The following SYN3 variants were observed in gnomAD, a reference collection of about 807,000 sequenced individuals.
The protein encoded by SYN3 is synapsin-3.
A neutral mutation model predicts 65.8 loss-of-function variants in SYN3; 35 were observed. The ratio of observed to expected loss-of-function variants is 0.53; its 90% CI spans 0.41 to 0.70. The LOEUF (loss-of-function observed/expected upper bound fraction) is 0.70. Among genes scored for constraint, SYN3 ranks in the 30% least tolerant of loss-of-function variants. The pLI is 0.00. For missense variants in SYN3, 680 were observed against 749.0 expected, an observed-to-expected ratio of 0.91 and a Z score of 1.08; for synonymous variants, 270 against 292.9, an observed-to-expected ratio of 0.92 and a Z score of 0.80.
At chr22:32,709,772 G>C (rs968123290) in intron 6 of SYN3, among the ~76,000 whole-genome samples, 8 of 151,512 alleles carry the variant, frequency 5.3e-5, no homozygotes, top group Non-Finnish European at 8.8e-5. Context: ...TTCTATAAAG[G>C]CTATCTTATC....
intron 4 of SYN3, among the ~76,000 whole-genome samples, chr22:32,870,278 T>C (rs2048813842): frequency 6.6e-6 from 1 of 152,086 alleles, no homozygotes; most frequent in Non-Finnish European, 1.5e-5. Context: ...ATGATCAATT[T>C]CAATGTATAT....
chr22:32,612,647 G>T (rs1464474414), intron 6 of SYN3, among the ~76,000 whole-genome samples: 2 of 152,092 alleles, frequency 1.3e-5, no homozygotes, highest in Admixed American at 1.3e-4. Context: ...TTAAAGACCA[G>T]CCAAGGCAAC....
chr22:33,009,700 T>C (rs531510259), intron 1 of SYN3, among the ~76,000 whole-genome samples: 1 of 151,592 alleles, frequency 6.6e-6, no homozygotes, highest in South Asian at 2.1e-4. Context: ...CACACTTCTG[T>C]ATTTTGGGTA....
chr22:32,739,175 G>GGT (rs1555942771), intron 6 of SYN3, among the ~76,000 whole-genome samples: 1 of 87,804 alleles, frequency 1.1e-5, no homozygotes, highest in Non-Finnish European at 2.6e-5. Context: ...TTGAATCACA[G>GGT]GGGGGGGGCG....
chr22:32,643,561 G>T lies in SYN3; in HGVS notation c.712-46825C>A, dbSNP rs928613831. Among the ~76,000 whole-genome samples the T allele has an allele frequency of 4.0e-5, 5 of 123,566 alleles. 1 individual carries two copies. Among genetic ancestry groups the T allele is most frequent in the South Asian group, 6.5e-4 (2 of 3,088 alleles). 81.1% of individuals were successfully genotyped at this position (123,566 alleles called of 152,430 possible). The stretch of plus-strand genomic sequence containing the variant: ...AAATTAGAAATGGTGGGGGGGCGGG[G>T]GGGGCAGAACAGACCCATAAAGGAA... On this transcript the variant is annotated intron_variant, in intron 6 of 13. Transcript: ENST00000358763.
chr22:32,958,062 A>C (rs547532275), intron 3 of SYN3, among the ~76,000 whole-genome samples: 10 of 152,382 alleles, frequency 6.6e-5, no homozygotes, highest in African/African-American at 2.2e-4. Context: ...AGGAGCACAG[A>C]GGCCCTCTGC....
intron 6 of SYN3, among the ~76,000 whole-genome samples, chr22:32,802,465 T>C (rs73158312): frequency 0.055 from 8,393 of 151,426 alleles, 351 homozygotes; most frequent in South Asian, 0.14. Context: ...GGGAAAGGGT[T>C]CCCAAAACTT....
intron 6 of SYN3, chr22:32,860,499 T>C (rs912039678): frequency 6.5e-6 from 1 of 152,688 alleles, no homozygotes; most frequent in African/African-American, 2.4e-5. Flanking sequence ...TGTCGTTGCT[T>C]GTTTGAAGAA....
rs73172113 is a variant in SYN3, at chr22:32,531,464, C to T, written c.1095+2329G>A. Among the ~76,000 whole-genome samples, 1,390 of 152,294 alleles carry T rather than the reference C, an allele frequency of 9.1e-3. 14 individuals carry two copies. The highest frequency in any genetic ancestry group is 0.024 in the South Asian group (115 of 4,822). ...CCTGAGGTTCATTTTGGAATCCCCA[C>T]GGTAGAGACAGCCAAAGGAAGTGGC... On this transcript the variant is annotated intron_variant, in intron 10 of 13. Coordinates refer to ENST00000358763, the MANE Select transcript of SYN3 (RefSeq NM_003490.4).
intron 4 of SYN3, among the ~76,000 whole-genome samples, chr22:32,930,784 C>T (rs1223408652): frequency 6.6e-6 from 1 of 152,134 alleles, no homozygotes; most frequent in Non-Finnish European, 1.5e-5. Flanking sequence ...GTGTTTATCT[C>T]GCCTATGGAT....
In SYN3 at chr22:32,560,018, G is replaced by C. The variant is rs749635305; in HGVS notation, c.775-18305C>G. Among the ~76,000 whole-genome samples the C allele has an allele frequency of 5.3e-5, 8 of 152,218 alleles. No individual in the cohort carries two copies. The South Asian group carries it at 1.0e-3, about 20-fold the overall frequency. On this transcript the variant is annotated intron_variant, in intron 7 of 13. Transcript: ENST00000358763. The stretch of plus-strand genomic sequence containing the variant: ...GACTGGGAAGGGCAAAACGCCTCCA[G>C]TGAGCATGCGCACAACTTCAGTAAA...
At chr22:32,952,360 A>G (rs186424018) in intron 3 of SYN3, among the ~76,000 whole-genome samples, 45 of 152,240 alleles carry the variant, frequency 3.0e-4, no homozygotes, top group Non-Finnish European at 4.4e-4. Flanking sequence ...ATGTCCAAAT[A>G]AATACAAAAA....
At chr22:33,030,963 A>T (rs144275163) in intron 1 of SYN3, among the ~76,000 whole-genome samples, 60 of 152,352 alleles carry the variant, frequency 3.9e-4, no homozygotes, top group Middle Eastern at 3.4e-3. Context: ...ATATACATAG[A>T]CAGACACAGA....
In SYN3 at chr22:32,559,965, G is replaced by A. The variant is rs116697441; in HGVS notation, c.775-18252C>T. Among the ~76,000 whole-genome samples the A allele has an allele frequency of 4.5e-3, 686 of 152,328 alleles. 5 individuals are homozygous for A. Among genetic ancestry groups the A allele is most frequent in the African/African-American group, 0.016 (661 of 41,580 alleles). Reference sequence around the variant, plus strand: ...GCAAAATGGCGGAGTGTATGTAACTGGTATATGACCTTCTTCTAGGAACAC... The same window carrying A: ...GCAAAATGGCGGAGTGTATGTAACTAGTATATGACCTTCTTCTAGGAACAC... On this transcript the variant is annotated intron_variant, in intron 7 of 13. Transcript: ENST00000358763.
chr22:32,673,373 G>A (rs1601887354), intron 6 of SYN3, among the ~76,000 whole-genome samples: 1 of 152,214 alleles, frequency 6.6e-6, no homozygotes, highest in Admixed American at 6.5e-5. Context: ...CAACACAGCT[G>A]AGCAGGACCC....
At chr22:32,551,247 C>T (rs1340363715) in intron 7 of SYN3, among the ~76,000 whole-genome samples, 1 of 152,038 alleles carries the variant, frequency 6.6e-6, no homozygotes, top group Non-Finnish European at 1.5e-5. Flanking sequence ...GTGGATCAGG[C>T]AGACGATACC....
intron 6 of SYN3, among the ~76,000 whole-genome samples, chr22:32,716,531 A>G (rs1242851619): frequency 6.6e-6 from 1 of 151,734 alleles, no homozygotes; most frequent in African/African-American, 2.4e-5. Flanking sequence ...CATAGCTGTT[A>G]TTTTTGTTTG....
chr22:32,523,887 C>T (rs1038209554), intron 12 of SYN3, among the ~76,000 whole-genome samples: 1 of 152,232 alleles, frequency 6.6e-6, no homozygotes, highest in Non-Finnish European at 1.5e-5. Context: ...CTCCAGTGAA[C>T]ACACAAATGA....
chr22:32,884,363 T>C (rs1415466043), intron 4 of SYN3, among the ~76,000 whole-genome samples: 1 of 152,140 alleles, frequency 6.6e-6, no homozygotes, highest in Non-Finnish European at 1.5e-5. Flanking sequence ...AACTGTGGGA[T>C]CCCAGGAACA....
Sources: allele counts gnomAD v4.1 joint callset (sites outside exome capture counted in the v4.1 genomes callset), GRCh38; gene constraint gnomAD v4.1.1; transcripts MANE v1.5; gene names NCBI Gene and HGNC (gene_info 2026-07-23, HGNC 2026-07-21).